Variants in TRDMT1 observed in about 807,000 individuals in gnomAD.
The protein encoded by TRDMT1 is tRNA aspartic acid methyltransferase 1.
TRDMT1 carries 49 observed loss-of-function variants against 51.2 expected under a neutral mutation model. The observed-to-expected ratio is 0.96, with a 90% confidence interval of 0.76 to 1.21. TRDMT1 has a LOEUF of 1.21. TRDMT1 is among the 50% of genes most tolerant of loss of function. The probability of loss-of-function intolerance (pLI) is 0.00; values close to 1 mark genes in which losing one functional copy is unlikely to be tolerated. For missense variants in TRDMT1, 534 were observed against 462.3 expected, an observed-to-expected ratio of 1.16 and a Z score of -1.42; for synonymous variants, 187 against 164.6, an observed-to-expected ratio of 1.14 and a Z score of -1.04.
In TRDMT1 at chr10:17,139,671, T is replaced by G. The variant is rs1434324754; in HGVS notation, c.*9369A>C. Among the ~76,000 whole-genome samples the G allele has an allele frequency of 6.6e-6, 1 of 152,172 alleles. No homozygotes were observed. The highest frequency in any genetic ancestry group is 1.5e-5 in the Non-Finnish European group (1 of 68,026). Reference sequence around the variant, plus strand: ...GTGAGAGGAAGCTTTGCATTACGGATGTGATTTACGGTTAGAGGAGTGATT... The same window carrying G: ...GTGAGAGGAAGCTTTGCATTACGGAGGTGATTTACGGTTAGAGGAGTGATT... On this transcript the variant is annotated 3_prime_UTR_variant, in exon 11 of 11. Transcript: ENST00000377799.
chr10:17,160,231 C>A, intron 6 of TRDMT1, 74 bp downstream of exon 6: 1 of 994,690 alleles, frequency 1.0e-6, no homozygotes. Context: ...TTCTGCTTAT[C>A]GAATCAAATT....
intron 3 of TRDMT1, among the ~76,000 whole-genome samples, chr10:17,164,300 C>G (rs1840853041): frequency 6.6e-6 from 1 of 152,104 alleles, no homozygotes; most frequent in Non-Finnish European, 1.5e-5. Flanking sequence ...CAGAAAAGAC[C>G]TTTGACAAAA....
At position 17,144,975 on chromosome 10, in the gene TRDMT1, T is replaced by C. The variant is rs546338334; in HGVS notation, c.*4065A>G. 2.0e-6 allele frequency: 2 copies of C among 985,170 alleles called. No individual in the cohort carries two copies. Among genetic ancestry groups the C allele is most frequent in the African/African-American group, 3.5e-5 (2 of 57,264 alleles). The allele number at this position is 985,170 out of a possible 1,614,324, so 61.0% of individuals were successfully genotyped here. ...AAAACATGCAAAGGGAGGCTGGGCG[T>C]GGTGGCTCATGCCTGTAAAACCCAG... On this transcript the variant is annotated 3_prime_UTR_variant, in exon 11 of 11. Coordinates refer to ENST00000377799, the MANE Select transcript of TRDMT1 (RefSeq NM_004412.7).
chr10:17,154,540 T>C (rs1000925571), intron 9 of TRDMT1, 137 bp downstream of exon 9: 4 of 430,644 alleles, frequency 9.3e-6, no homozygotes, highest in Non-Finnish European at 1.6e-5. Flanking sequence ...ATATTATATA[T>C]ATGAATATAC....
intron 9 of TRDMT1, among the ~76,000 whole-genome samples, chr10:17,153,958 C>T (rs750885949): frequency 6.6e-6 from 1 of 152,062 alleles, no homozygotes; most frequent in South Asian, 2.1e-4. Flanking sequence ...GCAAAAGAAG[C>T]TTGACAAAAC....
chr10:17,147,054 G>A lies in TRDMT1; in HGVS notation c.*1986C>T. 1.0e-6 allele frequency: 1 copy of A among 985,708 alleles called. No homozygotes were observed. Among genetic ancestry groups the A allele is most frequent in the Non-Finnish European group, 1.2e-6 (1 of 829,910 alleles). 61.1% of individuals were successfully genotyped at this position (985,708 alleles called of 1,614,324 possible). On this transcript the variant is annotated 3_prime_UTR_variant, in exon 11 of 11. Transcript: ENST00000377799. ...TCTACAGACCTTTCAAGTATTTATA[G>A]TTGGTGCACAGTAACTCGACACTTA... is the stretch of plus-strand genomic sequence containing the variant.
At chr10:17,156,033 T>C (rs1198808227) in intron 8 of TRDMT1, among the ~76,000 whole-genome samples, 1 of 152,180 alleles carries the variant, frequency 6.6e-6, no homozygotes, top group Non-Finnish European at 1.5e-5. Context: ...CAATAAACTC[T>C]TTCCCCTGAA....
chr10:17,156,225 T>C (rs974020134), intron 8 of TRDMT1, among the ~76,000 whole-genome samples: 17 of 152,022 alleles, frequency 1.1e-4, no homozygotes, highest in Admixed American at 1.3e-4. Flanking sequence ...ACAGAGATCC[T>C]TGGCAAAATT....
At chr10:17,164,609 T>G (rs1194240115) in intron 3 of TRDMT1, among the ~76,000 whole-genome samples, 2 of 152,156 alleles carry the variant, frequency 1.3e-5, no homozygotes, top group East Asian at 3.8e-4. Context: ...TGATTGTATA[T>G]CTAGAAAAAC....
At chr10:17,173,772 C>CTT (rs34140507) in intron 2 of TRDMT1, among the ~76,000 whole-genome samples, 4 of 121,006 alleles carry the variant, frequency 3.3e-5, no homozygotes, top group Non-Finnish European at 7.0e-5. Context: ...AACACAATTT[C>CTT]TTTTTTTTTT....
chr10:17,155,377 T>C (rs1839366211), intron 8 of TRDMT1, among the ~76,000 whole-genome samples: 1 of 152,234 alleles, frequency 6.6e-6, no homozygotes, highest in African/African-American at 2.4e-5. Flanking sequence ...TATATTCAAA[T>C]ATAATTCAAT....
At position 17,160,287 on chromosome 10, in the gene TRDMT1, T is replaced by C. The variant is rs1349280402; in HGVS notation, c.459+18A>G. 6.9e-7 allele frequency: 1 copy of C among 1,455,044 alleles called. No individual in the cohort carries two copies. Among genetic ancestry groups the C allele is most frequent in the African/African-American group, 1.4e-5 (1 of 69,302 alleles). The allele number at this position is 1,455,044 out of a possible 1,614,324, so 90.1% of individuals were successfully genotyped here. ...TTAAATTATAATTTATATAAGCATT[T>C]ATAACTGTGATACCTACAGAGGTTG... On this transcript the variant is annotated intron_variant, in intron 6 of 10. Coordinates refer to ENST00000377799, the MANE Select transcript of TRDMT1 (RefSeq NM_004412.7).
At chr10:17,187,460 T>C (rs1157335340) in intron 1 of TRDMT1, among the ~76,000 whole-genome samples, 2 of 152,204 alleles carry the variant, frequency 1.3e-5, no homozygotes, top group African/African-American at 4.8e-5. Context: ...ACCTTTAAAA[T>C]GTTCATGTAC....
At position 17,162,304 on chromosome 10, in the gene TRDMT1, G is replaced by A. The variant is rs1225009256; in HGVS notation, c.252-67C>T. Reference sequence around the variant, plus strand: ...AAGTTTATTAAGAATCTGATAAAAAGATGTCAAATCACTTTTTAAGTCAAA... The same window carrying A: ...AAGTTTATTAAGAATCTGATAAAAAAATGTCAAATCACTTTTTAAGTCAAA... On this transcript the variant is annotated intron_variant, in intron 3 of 10. Coordinates refer to ENST00000377799, the MANE Select transcript of TRDMT1 (RefSeq NM_004412.7). 60 of 1,415,728 alleles carry A rather than the reference G, an allele frequency of 4.2e-5. No individual in the cohort carries two copies. In the Middle Eastern group the frequency reaches 9.2e-4, roughly 22 times the overall value. The allele number at this position is 1,415,728 out of a possible 1,614,324, so 87.7% of individuals were successfully genotyped here. A position where few individuals can be genotyped will look rare whatever the true frequency, so the allele number is the denominator to read the frequency against.
intron 7 of TRDMT1, 79 bp from the exon 8 acceptor site, chr10:17,157,863 A>G: frequency 8.9e-7 from 1 of 1,129,100 alleles, no homozygotes; most frequent in African/African-American, 1.6e-5. Flanking sequence ...AGTCAACATT[A>G]CGAAAACAAC....
intron 1 of TRDMT1, among the ~76,000 whole-genome samples, chr10:17,199,233 G>C (rs964197085): frequency 1.3e-5 from 2 of 152,192 alleles, no homozygotes; most frequent in Non-Finnish European, 2.9e-5. Context: ...ATATGATTAA[G>C]AGTCTATATC....
chr10:17,152,203 G>C, intron 10 of TRDMT1: 1 of 711,586 alleles, frequency 1.4e-6, no homozygotes, highest in Non-Finnish European at 2.0e-6. Flanking sequence ...GCTGTCACTC[G>C]TTTTGTGACA....
chr10:17,166,850 G>T (rs73604291), intron 3 of TRDMT1, among the ~76,000 whole-genome samples: 2 of 152,178 alleles, frequency 1.3e-5, no homozygotes, highest in East Asian at 3.9e-4. Flanking sequence ...GCTGCATTCC[G>T]CTGTGTATAT....
rs1198958642 is a variant in TRDMT1 at position 17,161,472 on chromosome 10, C to T, written c.389+11G>A. ...GTCTAAGATGTATGCAAGACAAATA[C>T]ATTTTTTTACCTTGTAGAAGATACT... On this transcript the variant is annotated intron_variant, in intron 5 of 10. Transcript: ENST00000377799. 1 of 1,364,274 alleles carries T rather than the reference C, an allele frequency of 7.3e-7. No individual in the cohort carries two copies. The allele number at this position is 1,364,274 out of a possible 1,614,324, so 84.5% of individuals were successfully genotyped here. A position where few individuals can be genotyped will look rare whatever the true frequency, so the allele number is the denominator to read the frequency against.
Sources: allele counts gnomAD v4.1 joint callset (sites outside exome capture counted in the v4.1 genomes callset), GRCh38; gene constraint gnomAD v4.1.1; transcripts MANE v1.5; gene names NCBI Gene and HGNC (gene_info 2026-07-23, HGNC 2026-07-21).